Variants in ASB7 observed in about 807,000 individuals in gnomAD.
ASB7 encodes ankyrin repeat and SOCS box protein 7.
In ASB7, 4 loss-of-function variants were observed where a neutral mutation model predicts 32.5. The ratio of observed to expected loss-of-function variants is 0.12; its 90% confidence interval spans 0.06 to 0.28. The LOEUF (loss-of-function observed/expected upper bound fraction) is 0.28, where lower values mean the gene tolerates loss of function less well. ASB7 is among the 10% of genes least tolerant of loss of function. The probability of loss-of-function intolerance (pLI) is 1.00; values close to 1 mark genes in which losing one functional copy is unlikely to be tolerated. For synonymous variants in ASB7, 172 were observed against 155.6 expected (o/e 1.11, Z -0.78); for missense variants, 181 against 407.1 (o/e 0.44, Z 4.78).
At chr15:100,619,070 A>C (rs1318284018) in intron 4 of ASB7, among the ~76,000 whole-genome samples, 1 of 152,144 alleles carries the variant, frequency 6.6e-6, no homozygotes, top group East Asian at 1.9e-4. Context: ...GAGTGAATTT[A>C]AGGGCCATGT....
chr15:100,645,825 A>G (rs1262647089), intron 5 of ASB7: 13 of 1,263,810 alleles, frequency 1.0e-5, no homozygotes, highest in African/African-American at 1.5e-5. Context: ...CAAACGCGAC[A>G]TCCCACACGC....
At chr15:100,608,909 G>A (rs551288236) in intron 2 of ASB7, among the ~76,000 whole-genome samples, 19 of 152,276 alleles carry the variant, frequency 1.2e-4, no homozygotes, top group Admixed American at 2.6e-4. Context: ...TAAGTGGCCC[G>A]ACCTTTTCTT....
chr15:100,641,149 T>C (rs1285543829), intron 5 of ASB7, among the ~76,000 whole-genome samples: 1 of 152,220 alleles, frequency 6.6e-6, no homozygotes, highest in Non-Finnish European at 1.5e-5. Flanking sequence ...TGTATTGATT[T>C]TTCTTCTTTC....
chr15:100,643,685 G>T (rs1424652336), intron 5 of ASB7, among the ~76,000 whole-genome samples: 1 of 150,702 alleles, frequency 6.6e-6, no homozygotes, highest in African/African-American at 2.4e-5. Context: ...AGTAGAGACG[G>T]GGTTTCACCA....
chr15:100,621,798 T>A, intron 4 of ASB7, among the ~76,000 whole-genome samples: 1 of 149,574 alleles, frequency 6.7e-6, no homozygotes, highest in South Asian at 2.1e-4. Context: ...TAGATGGAAC[T>A]AAAAAACAAA....
At position 100,624,002 on chromosome 15, in the gene ASB7, C is replaced by A. The variant is rs560597207; in HGVS notation, c.212-5435C>A. ...ACAATTTGGCCATAAAAAATGAGATCATTTGCAGCCACATAGATGACGAGG... is the reference window on the plus strand; with the variant it reads ...ACAATTTGGCCATAAAAAATGAGATAATTTGCAGCCACATAGATGACGAGG... On this transcript the variant is annotated intron_variant, in intron 4 of 5. Coordinates refer to ENST00000332783, the MANE Select transcript of ASB7 (RefSeq NM_198243.3). Among the ~76,000 whole-genome samples the A allele has an allele frequency of 5.3e-5, 8 of 152,220 alleles. No individual in the cohort carries two copies. The South Asian group carries it at 1.5e-3, about 28-fold the overall frequency.
At position 100,651,190 on chromosome 15, in the gene ASB7, G is replaced by A. The variant is rs2040029450; in HGVS notation, c.*2728G>A. ...GCAAACCTCATCTTTCGAAAACAAGGTTTTGTGTTTTTTTTTTTTTGTAAA... is the reference window on the plus strand; with the variant it reads ...GCAAACCTCATCTTTCGAAAACAAGATTTTGTGTTTTTTTTTTTTTGTAAA... On this transcript the variant is annotated 3_prime_UTR_variant, in exon 6 of 6. Transcript: ENST00000332783. The A allele has an allele frequency of 6.8e-6, 1 of 147,874 alleles. No individual in the cohort carries two copies. Among genetic ancestry groups the A allele is most frequent in the African/African-American group, 2.6e-5 (1 of 39,060 alleles). 9.2% of individuals were successfully genotyped at this position (147,874 alleles called of 1,614,324 possible). A position where few individuals can be genotyped will look rare whatever the true frequency, so the allele number is the denominator to read the frequency against.
chr15:100,613,998 C>T (rs889478778), intron 4 of ASB7, among the ~76,000 whole-genome samples: 18 of 152,100 alleles, frequency 1.2e-4, no homozygotes, highest in South Asian at 2.1e-4. Flanking sequence ...TATGACCAAG[C>T]GTGGTAGCTC....
chr15:100,618,179 T>C (rs1157691262), intron 4 of ASB7, among the ~76,000 whole-genome samples: 4 of 152,136 alleles, frequency 2.6e-5, no homozygotes, highest in Non-Finnish European at 5.9e-5. Flanking sequence ...TGCAGTGGCG[T>C]GATCTCATCT....
intron 4 of ASB7, among the ~76,000 whole-genome samples, chr15:100,626,877 A>G (rs893309497): frequency 6.6e-6 from 1 of 152,222 alleles, no homozygotes; most frequent in Non-Finnish European, 1.5e-5. Flanking sequence ...TTCTATTAAT[A>G]TGAATTTCCA....
chr15:100,630,036 G>T lies in ASB7; in HGVS notation c.811G>T (p.Val271Phe). 1 of 1,591,298 alleles carries T rather than the reference G, an allele frequency of 6.3e-7. No homozygotes were observed. The highest frequency in any genetic ancestry group is 8.6e-7 in the Non-Finnish European group (1 of 1,166,882). ...SRPCLDFLQE[V>F]TRQPRNLQDL... is the part of the protein sequence containing the mutation. The stretch of plus-strand genomic sequence containing the variant: ...ACCATGTTTGGATTTCTTACAAGAA[G>T]TCACAAGTATGTAATATAATTATTA... The change falls in exon 5 of 6, where the codon GTC becomes TTC. Residue 271 changes from valine (V) to phenylalanine (F), a missense_variant. Val to Phe is a conservative substitution (Grantham distance 50). Coordinates refer to ENST00000332783, the MANE Select transcript of ASB7 (RefSeq NM_198243.3).
intron 3 of ASB7, among the ~76,000 whole-genome samples, chr15:100,611,554 A>C (rs893514000): frequency 7.7e-6 from 1 of 129,480 alleles, no homozygotes; most frequent in South Asian, 2.6e-4. Flanking sequence ...ATCTCAGCTC[A>C]ATGAAACCTC....
At chr15:100,628,259 T>G (rs531033759) in intron 4 of ASB7, among the ~76,000 whole-genome samples, 2 of 152,348 alleles carry the variant, frequency 1.3e-5, no homozygotes, top group Non-Finnish European at 2.9e-5. Flanking sequence ...TTCCACAGTA[T>G]TGTTATTTTA....
chr15:100,637,849 C>G (rs927428621), intron 5 of ASB7, among the ~76,000 whole-genome samples: 10 of 152,170 alleles, frequency 6.6e-5, no homozygotes, highest in Non-Finnish European at 1.2e-4. Flanking sequence ...AGAAGCAGAT[C>G]TCTGACTCCA....
intron 4 of ASB7, among the ~76,000 whole-genome samples, chr15:100,615,274 A>G (rs1194388354): frequency 1.3e-5 from 2 of 152,230 alleles, no homozygotes. Flanking sequence ...TAATAGCTTT[A>G]TTGAGATGTA....
chr15:100,609,388 A>G (rs2039674829), intron 2 of ASB7, among the ~76,000 whole-genome samples: 1 of 152,248 alleles, frequency 6.6e-6, no homozygotes, highest in African/African-American at 2.4e-5. Flanking sequence ...CAAGTCTGAA[A>G]CTGTATTCTC....
At chr15:100,615,697 A>T (rs910354040) in intron 4 of ASB7, among the ~76,000 whole-genome samples, 2 of 152,170 alleles carry the variant, frequency 1.3e-5, no homozygotes, top group East Asian at 1.9e-4. Flanking sequence ...CCATCCAGAG[A>T]TAGTCTATGC....
chr15:100,630,020 G>A lies in ASB7; in HGVS notation c.795G>A (p.Leu265=). 1 of 1,600,482 alleles carries A rather than the reference G, an allele frequency of 6.2e-7. No homozygotes were observed. The highest frequency in any genetic ancestry group is 8.5e-7 in the Non-Finnish European group (1 of 1,171,728). ...TTTCTGGAAGTAGTCGACCATGTTT[G>A]GATTTCTTACAAGAAGTCACAAGTA... is the stretch of plus-strand genomic sequence containing the variant. ...ISISGSSRPC[L]DFLQEVTRQP... is the part of the protein sequence containing the mutation. Residue 265 remains leucine, a synonymous_variant, in exon 5 of 6, where the codon TTG becomes TTA. Coordinates refer to ENST00000332783, the MANE Select transcript of ASB7 (RefSeq NM_198243.3).
rs35805334 is a variant in ASB7 at position 100,651,013 on chromosome 15, GA to G, written c.*2555del. The G allele has an allele frequency of 6.6e-6, 1 of 152,152 alleles. No individual in the cohort carries two copies. The highest frequency in any genetic ancestry group is 1.9e-4 in the East Asian group (1 of 5,206). 9.4% of individuals were successfully genotyped at this position (152,152 alleles called of 1,614,324 possible). The stretch of plus-strand genomic sequence containing the variant: ...GATTGTTTTTTCCAGAAACAGAACA[GA>G]AAATGTTCAGAATATTTTCAAATTT... On this transcript the variant is annotated 3_prime_UTR_variant, in exon 6 of 6. Transcript: ENST00000332783.
Sources: gnomAD v4.1 joint callset for allele counts (sites outside exome capture counted in the v4.1 genomes callset) on GRCh38, gnomAD v4.1.1 for gene constraint, MANE v1.5 for transcripts, NCBI Gene and HGNC (gene_info 2026-07-23, HGNC 2026-07-21) for gene names.